Variants in KCNN3 observed in about 807,000 individuals in gnomAD.
KCNN3 encodes potassium calcium-activated channel subfamily N member 3, also known as small conductance calcium-activated potassium channel protein 3.
In KCNN3, 16 loss-of-function variants were observed where a neutral mutation model predicts 62.9. The observed-to-expected ratio is 0.25, with a 90% CI of 0.17 to 0.39. KCNN3 has a LOEUF of 0.39. Among genes scored for constraint, KCNN3 ranks in the 10% least tolerant of loss-of-function variants. The pLI, the probability that KCNN3 is intolerant of heterozygous loss-of-function variation, is 1.00. For synonymous variants in KCNN3, 370 were observed against 389.2 expected (o/e 0.95, Z 0.58); for missense variants, 599 against 949.4 (o/e 0.63, Z 4.85).
chr1:154,807,226 G>A (rs962705566), intron 2 of KCNN3, among the ~76,000 whole-genome samples: 1 of 152,142 alleles, frequency 6.6e-6, no homozygotes, highest in Non-Finnish European at 1.5e-5. Context: ...TGGTTTTGGT[G>A]AAGCTGAGCG....
chr1:154,750,133 G>A (rs927619562), intron 3 of KCNN3, among the ~76,000 whole-genome samples: 5 of 152,218 alleles, frequency 3.3e-5, no homozygotes, highest in Non-Finnish European at 1.5e-5. Flanking sequence ...AGCTAATTCC[G>A]AAGGTCAACA....
intron 1 of KCNN3, among the ~76,000 whole-genome samples, chr1:154,834,807 G>C (rs1332245496): frequency 6.6e-6 from 1 of 152,186 alleles, no homozygotes; most frequent in African/African-American, 2.4e-5. Context: ...GTGGGAGCCA[G>C]ACTTGAAACA....
At chr1:154,839,441 C>T (rs1353183076) in intron 1 of KCNN3, among the ~76,000 whole-genome samples, 3 of 152,206 alleles carry the variant, frequency 2.0e-5, no homozygotes, top group Non-Finnish European at 4.4e-5. Context: ...AGATACGACA[C>T]CTGATTTACA....
At chr1:154,847,992 T>G (rs781671377) in intron 1 of KCNN3, among the ~76,000 whole-genome samples, 1 of 152,138 alleles carries the variant, frequency 6.6e-6, no homozygotes. Context: ...CTGTCCTCCA[T>G]ACCTACTCCT....
chr1:154,744,678 T>C (rs1475528908), intron 3 of KCNN3, among the ~76,000 whole-genome samples: 3 of 152,204 alleles, frequency 2.0e-5, no homozygotes, highest in Non-Finnish European at 4.4e-5. Flanking sequence ...GTCCCCAATA[T>C]AATCAACTTC....
chr1:154,731,593 C>G (rs1029295144), intron 4 of KCNN3, among the ~76,000 whole-genome samples: 20 of 152,274 alleles, frequency 1.3e-4, no homozygotes, highest in African/African-American at 4.8e-4. Context: ...GCAGGAAGAC[C>G]TGCGGCCCTC....
intron 1 of KCNN3, among the ~76,000 whole-genome samples, chr1:154,857,311 G>T (rs1652576957): frequency 6.6e-6 from 1 of 152,206 alleles, no homozygotes; most frequent in Admixed American, 6.5e-5. Context: ...GCATGCTGTT[G>T]AGGGCTCGGG....
rs890538967 is a variant in KCNN3 at position 154,733,283 on chromosome 1, T to C, written c.1449-139A>G. On this transcript the variant is annotated intron_variant, in intron 3 of 7. Coordinates refer to ENST00000271915, the MANE Select transcript of KCNN3 (RefSeq NM_002249.6). ...AGTGACGGTGGCTCACACAGATCTC[T>C]TTAGGCTACTGAAGGGGCTGCAACT... 7.8e-6 allele frequency: 7 copies of C among 894,556 alleles called. No homozygotes were observed. The African/African-American group carries it at 9.9e-5, about 13-fold the overall frequency. The allele number at this position is 894,556 out of a possible 1,614,324, so 55.4% of individuals were successfully genotyped here.
chr1:154,714,181 TG>T (rs138099065), intron 6 of KCNN3, among the ~76,000 whole-genome samples: 6 of 8,528 alleles, frequency 7.0e-4, no homozygotes, highest in East Asian at 4.5e-3. Flanking sequence ...GTGTGGTGTG[TG>T]GTGTGTGTGT....
intron 3 of KCNN3, among the ~76,000 whole-genome samples, chr1:154,746,047 C>A (rs1700929168): frequency 6.6e-6 from 1 of 152,184 alleles, no homozygotes; most frequent in Non-Finnish European, 1.5e-5. Context: ...AGCAGTAAAA[C>A]CTTGCACGGG....
intron 4 of KCNN3, among the ~76,000 whole-genome samples, chr1:154,729,219 G>T (rs190170186): frequency 8.9e-4 from 136 of 152,260 alleles, no homozygotes; most frequent in Middle Eastern, 3.4e-3. Flanking sequence ...GGGTCAGACT[G>T]GGGGGAAGAG....
At chr1:154,829,591 C>G (rs1222685669) in intron 1 of KCNN3, among the ~76,000 whole-genome samples, 3 of 152,208 alleles carry the variant, frequency 2.0e-5, no homozygotes, top group African/African-American at 4.8e-5. Flanking sequence ...ACACTCTCCT[C>G]TCAGTCCCAG....
intron 2 of KCNN3, among the ~76,000 whole-genome samples, chr1:154,816,624 C>A (rs1314827349): frequency 6.6e-6 from 1 of 152,180 alleles, no homozygotes; most frequent in Non-Finnish European, 1.5e-5. Context: ...CAGGCACTTC[C>A]TCCCAGGGGT....
chr1:154,778,274 C>T (rs1260630451), intron 2 of KCNN3, among the ~76,000 whole-genome samples: 1 of 152,184 alleles, frequency 6.6e-6, no homozygotes, highest in African/African-American at 2.4e-5. Flanking sequence ...GGAGAACTAA[C>T]CCAACTCAGT....
At position 154,766,420 on chromosome 1, in the gene KCNN3, AT is replaced by A. The variant is rs1648283324; in HGVS notation, c.1448+5554del. On this transcript the variant is annotated intron_variant, in intron 3 of 7. Coordinates refer to ENST00000271915, the MANE Select transcript of KCNN3 (RefSeq NM_002249.6). ...TTATTAAATACTAGCCAGGCTTTAT[AT>A]ATATATATATATATATATATATGTA... Among the ~76,000 whole-genome samples the A allele has an allele frequency of 6.0e-5, 7 of 115,888 alleles. 1 individual carries two copies. Among genetic ancestry groups the A allele is most frequent in the South Asian group, 5.9e-4 (2 of 3,388 alleles). 76.0% of individuals were successfully genotyped at this position (115,888 alleles called of 152,430 possible). A position where few individuals can be genotyped will look rare whatever the true frequency, so the allele number is the denominator to read the frequency against.
At chr1:154,868,900 A>ATCTC (rs60145117) in intron 1 of KCNN3, 132 bp downstream of exon 1, 8,908 of 756,546 alleles carry the variant, frequency 0.012, 24 homozygotes, top group African/African-American at 0.025. Flanking sequence ...CAATCTCTCA[A>ATCTC]TCTCTCTCTC....
chr1:154,814,908 T>C (rs1650595549), intron 2 of KCNN3, among the ~76,000 whole-genome samples: 1 of 152,250 alleles, frequency 6.6e-6, no homozygotes, highest in South Asian at 2.1e-4. Context: ...CGCTGTTCTC[T>C]GGAACACATT....
At chr1:154,842,632 C>CAA (rs1651883644) in intron 1 of KCNN3, among the ~76,000 whole-genome samples, 1 of 14,244 alleles carries the variant, frequency 7.0e-5, no homozygotes, top group Non-Finnish European at 3.5e-4. Flanking sequence ...TTCAGGGACC[C>CAA]CCCCCCCGCC....
Position 154,869,840 on chromosome 1 carries a change from G to GGCTGCTGCTGCTGTTGCTGCTGCTGCT in KCNN3, c.98_124dup (p.Gln33_Gln41dup). On this transcript the variant is annotated inframe_insertion, in exon 1 of 8. Coordinates refer to ENST00000271915, the MANE Select transcript of KCNN3 (RefSeq NM_002249.6). This position sits in a 1 kb window ranked among gnomAD's most constrained non-coding sequence, Gnocchi z 6.1. ...GGCTGCTGGTGGCGCTGGCGGTGGT[G>GGCTGCTGCTGCTGTTGCTGCTGCTGCT]GCTGCTGCTGCTGTTGCTGCTGCTG... 5 of 1,571,750 alleles carry GGCTGCTGCTGCTGTTGCTGCTGCTGCT rather than the reference G, an allele frequency of 3.2e-6. No homozygotes were observed. The highest frequency in any genetic ancestry group is 3.5e-6 in the Non-Finnish European group (4 of 1,157,606).
Sources: gnomAD v4.1 joint callset for allele counts (sites outside exome capture counted in the v4.1 genomes callset) on GRCh38, gnomAD v4.1.1 for gene constraint, Gnocchi (gnomAD v3.1) non-coding constraint, MANE v1.5 for transcripts, NCBI Gene and HGNC (gene_info 2026-07-23, HGNC 2026-07-21) for gene names.